GAREM2: variants seen among roughly 807,000 people sequenced by gnomAD.
GAREM2 encodes the protein GRB2 associated regulator of MAPK1 subtype 2.
Under a neutral mutation model 55.6 loss-of-function variants are expected in GAREM2, and 30 were observed. The ratio of observed to expected loss-of-function variants is 0.54; its 90% CI spans 0.40 to 0.73. The LOEUF is 0.73. Among genes scored for constraint, GAREM2 ranks in the 30% least tolerant of loss-of-function variants. The pLI, the probability that GAREM2 is intolerant of heterozygous loss-of-function variation, is 0.00. For missense variants in GAREM2, 1,075 were observed against 1,257.7 expected (o/e 0.85, Z 2.20); for synonymous variants, 550 against 569.1 (o/e 0.97, Z 0.48).
the GAREM2 span, among the ~76,000 whole-genome samples, chr2:26,197,145 C>G: frequency 6.6e-6 from 1 of 152,210 alleles, no homozygotes; most frequent in East Asian, 1.9e-4. Flanking sequence ...TGTTTTACTT[C>G]TCTTTGAATG....
At chr2:26,201,042 C>A in the GAREM2 span, 3 of 866,784 alleles carry the variant, frequency 3.5e-6, no homozygotes, top group Non-Finnish European at 1.9e-6. Flanking sequence ...TTTGAATAGT[C>A]CTTTTTATAA....
At chr2:26,193,847 C>G, downstream of GAREM2, 1 of 1,137,046 alleles carries the variant, frequency 8.8e-7, no homozygotes, top group Non-Finnish European at 1.3e-6. Flanking sequence ...TGTACTGGCT[C>G]CAAACACTGC....
At chr2:26,177,227 AG>A (rs1020676303) in intron 2 of GAREM2, among the ~76,000 whole-genome samples, 4 of 152,028 alleles carry the variant, frequency 2.6e-5, no homozygotes, top group African/African-American at 9.7e-5. Context: ...ATCTCAACTG[AG>A]GGCTGGTGTC....
rs751209360 is a variant in GAREM2, at chr2:26,187,211, G to A, written c.1599-20G>A. 8 of 1,440,960 alleles carry A rather than the reference G, an allele frequency of 5.6e-6. No individual in the cohort carries two copies. In the African/African-American group the frequency reaches 1.1e-4, roughly 21 times the overall value. 89.3% of individuals were successfully genotyped at this position (1,440,960 alleles called of 1,614,324 possible). A position where few individuals can be genotyped will look rare whatever the true frequency, so the allele number is the denominator to read the frequency against. ...TCAGCCTCACCTGTCCTATGTGTGTGTGTCTGTCTCTGTCCACAGGGCGGG... is the reference window on the plus strand; with the variant it reads ...TCAGCCTCACCTGTCCTATGTGTGTATGTCTGTCTCTGTCCACAGGGCGGG... On this transcript the variant is annotated intron_variant, in intron 5 of 5. Coordinates refer to ENST00000401533, the MANE Select transcript of GAREM2 (RefSeq NM_001168241.2).
At chr2:26,174,965 T>A (rs948935908) in intron 1 of GAREM2, among the ~76,000 whole-genome samples, 1 of 152,064 alleles carries the variant, frequency 6.6e-6, no homozygotes, top group African/African-American at 2.4e-5. Context: ...GGAGAGCTTC[T>A]TGGGCCCCCG....
At chr2:26,183,392 T>C (rs1669119247) in intron 3 of GAREM2, among the ~76,000 whole-genome samples, 1 of 152,208 alleles carries the variant, frequency 6.6e-6, no homozygotes, top group African/African-American at 2.4e-5. Flanking sequence ...CACCCACTTG[T>C]AGAGGCGGTG....
chr2:26,190,507 G>C (rs1484133705), downstream of GAREM2: 4 of 152,932 alleles, frequency 2.6e-5, no homozygotes, highest in Non-Finnish European at 5.8e-5. Flanking sequence ...TGCTATGCAG[G>C]ATCTCCGAAC....
chr2:26,196,869 G>A, the GAREM2 span, among the ~76,000 whole-genome samples: 9 of 152,156 alleles, frequency 5.9e-5, no homozygotes, highest in Non-Finnish European at 1.2e-4. Flanking sequence ...ACTATCGGCT[G>A]CAACTTCTCC....
At chr2:26,201,391 GA>G in the GAREM2 span, 10 of 1,019,930 alleles carry the variant, frequency 9.8e-6, no homozygotes, top group Non-Finnish European at 1.4e-5. Context: ...CCATGGGCCA[GA>G]GCACACCTGT....
At chr2:26,176,799 C>T (rs904542634) in intron 2 of GAREM2, among the ~76,000 whole-genome samples, 5 of 152,190 alleles carry the variant, frequency 3.3e-5, no homozygotes, top group Non-Finnish European at 7.3e-5. Flanking sequence ...TCGGCTGCCA[C>T]GCTTAGCCAT....
intron 2 of GAREM2, among the ~76,000 whole-genome samples, chr2:26,177,044 G>A (rs1558304527): frequency 1.3e-5 from 2 of 152,142 alleles, no homozygotes; most frequent in Admixed American, 1.3e-4. Context: ...ACCTTTATTA[G>A]TTTTATACGT....
In GAREM2 at chr2:26,185,060, G is replaced by T; in HGVS notation, c.1212G>T (p.Glu404Asp). ...CGCTAGCGCCGGCTCCCGCCGGCGAGGGCGACCAGGAGTACGTGAGCCCCG... is the reference window on the plus strand; with the variant it reads ...CGCTAGCGCCGGCTCCCGCCGGCGATGGCGACCAGGAGTACGTGAGCCCCG... ...PGPLAPAPAG[E>D]GDQEYVSPDW... Residue 404 changes from glutamate (E) to aspartate (D), a missense_variant, in exon 4 of 6, where the codon GAG becomes GAT. By Grantham distance (45) the Glu-to-Asp change is conservative. This residue lies in a region of GAREM2 where 515 missense variants were observed against 501.5 expected (regional missense o/e 1.03). Coordinates refer to ENST00000401533, the MANE Select transcript of GAREM2 (RefSeq NM_001168241.2). 8.0e-7 allele frequency: 1 copy of T among 1,252,094 alleles called. No homozygotes were observed. The highest frequency in any genetic ancestry group is 1.0e-6 in the Non-Finnish European group (1 of 998,946). 77.6% of individuals were successfully genotyped at this position (1,252,094 alleles called of 1,614,324 possible).
chr2:26,178,868 G>GC (rs112550910), intron 2 of GAREM2, among the ~76,000 whole-genome samples: 4,760 of 31,274 alleles, frequency 0.15, 183 homozygotes, highest in South Asian at 0.36. Flanking sequence ...GCTTCTGTCC[G>GC]CCCGCACGGG....
chr2:26,181,957 C>T (rs538468577), intron 2 of GAREM2: 33 of 976,512 alleles, frequency 3.4e-5, no homozygotes, highest in Admixed American at 1.2e-4. Flanking sequence ...CCAGCCTGGG[C>T]GACAGCAAGA....
chr2:26,185,340 GC>G, intron 4 of GAREM2, 64 bp downstream of exon 4: 2 of 1,424,872 alleles, frequency 1.4e-6, no homozygotes, highest in African/African-American at 1.5e-5. Flanking sequence ...GTTCTCCTGG[GC>G]CCCGGCCCCG....
chr2:26,178,078 G>A (rs1668921009), intron 2 of GAREM2, among the ~76,000 whole-genome samples: 1 of 152,190 alleles, frequency 6.6e-6, no homozygotes, highest in South Asian at 2.1e-4. Flanking sequence ...CCTTTACAGA[G>A]GCTTCTGTCT....
intron 4 of GAREM2, 132 bp downstream of exon 4, chr2:26,185,408 G>T (rs1362863284): frequency 2.2e-6 from 3 of 1,336,592 alleles, no homozygotes; most frequent in Non-Finnish European, 1.9e-6. Context: ...GAGAAGGAAA[G>T]GGCAGAGGCA....
chr2:26,179,867 C>T lies in GAREM2; in HGVS notation c.254-3100C>T, dbSNP rs890626084. Among the ~76,000 whole-genome samples, 1 of 152,026 alleles carries T rather than the reference C, an allele frequency of 6.6e-6. No individual in the cohort carries two copies. The highest frequency in any genetic ancestry group is 2.4e-5 in the African/African-American group (1 of 41,390). ...CAGCCCTGACTTGGCTCCAAGTCGC[C>T]CCACAGGGGGCAGTGGGCATTGCTC... On this transcript the variant is annotated intron_variant, in intron 2 of 5. Coordinates refer to ENST00000401533, the MANE Select transcript of GAREM2 (RefSeq NM_001168241.2). This position sits in a 1 kb window ranked among gnomAD's most constrained non-coding sequence, Gnocchi z 4.7.
At chr2:26,185,639 C>T (rs1669227058) in intron 4 of GAREM2, among the ~76,000 whole-genome samples, 1 of 152,168 alleles carries the variant, frequency 6.6e-6, no homozygotes, top group South Asian at 2.1e-4. Flanking sequence ...TGATTCCCAG[C>T]CCTTTTTCCC....
Sources: gnomAD v4.1 joint callset for allele counts (sites outside exome capture counted in the v4.1 genomes callset) on GRCh38, gnomAD v4.1.1 for gene constraint, gnomAD v4.1.1 regional missense constraint, Gnocchi (gnomAD v3.1) non-coding constraint, MANE v1.5 for transcripts, NCBI Gene and HGNC (gene_info 2026-07-23, HGNC 2026-07-21) for gene names.